ADGRD1: variants seen among roughly 807,000 people sequenced by gnomAD.
ADGRD1 encodes adhesion G protein-coupled receptor D1.
Under a neutral mutation model 113.4 loss-of-function variants are expected in ADGRD1, and 77 were observed. The observed-to-expected ratio is 0.68, with a 90% confidence interval of 0.57 to 0.82. The LOEUF (loss-of-function observed/expected upper bound fraction) is 0.82. Among genes scored for constraint, ADGRD1 ranks in the 40% least tolerant of loss-of-function variants. The pLI is 0.00. For missense variants in ADGRD1, 1,036 were observed against 1,139.1 expected (o/e 0.91, Z 1.30); for synonymous variants, 474 against 475.0 (o/e 1.00, Z 0.03).
intron 13 of ADGRD1, among the ~76,000 whole-genome samples, chr12:131,016,764 G>A (rs1382246211): frequency 6.6e-6 from 1 of 152,196 alleles, no homozygotes; most frequent in Non-Finnish European, 1.5e-5. Context: ...ATGGTGGCCC[G>A]AGCCTGTAAT....
At chr12:130,994,657 C>T (rs1874987540) in intron 8 of ADGRD1, among the ~76,000 whole-genome samples, 1 of 152,226 alleles carries the variant, frequency 6.6e-6, no homozygotes, top group Non-Finnish European at 1.5e-5. Context: ...TGATTAAACA[C>T]CTACTTGTGG....
In ADGRD1 at chr12:131,041,019, G is replaced by T. The variant is rs1341650286; in HGVS notation, c.1473+26679G>T. On this transcript the variant is annotated intron_variant, in intron 13 of 24. Transcript: ENST00000261654. The surrounding 1 kb of genome is among the most constrained non-coding windows in gnomAD (Gnocchi z 4.4). ...CTGAATGGTGGCCCCCCCGGAGTTTGCCATCATCCCCACCTGGATGGTCCC... is the reference window on the plus strand; with the variant it reads ...CTGAATGGTGGCCCCCCCGGAGTTTTCCATCATCCCCACCTGGATGGTCCC... Among the ~76,000 whole-genome samples the T allele has an allele frequency of 6.6e-6, 1 of 152,238 alleles. No homozygotes were observed. Among genetic ancestry groups the T allele is most frequent in the Non-Finnish European group, 1.5e-5 (1 of 68,040 alleles).
At chr12:131,083,850 G>A (rs1009969169) in intron 14 of ADGRD1, among the ~76,000 whole-genome samples, 1 of 127,518 alleles carries the variant, frequency 7.8e-6, no homozygotes, top group African/African-American at 3.0e-5. Context: ...TCCTGATCTC[G>A]CCACCCTGTC....
chr12:131,133,673 C>T (rs1317872520), intron 21 of ADGRD1, among the ~76,000 whole-genome samples: 1 of 152,208 alleles, frequency 6.6e-6, no homozygotes, highest in African/African-American at 2.4e-5. Flanking sequence ...TTTCCCAATG[C>T]CTTCAGCTCC....
Position 130,966,687 on chromosome 12 carries a change from A to G in ADGRD1, c.187+141A>G, listed in dbSNP as rs1026312855. ...GCTGAGAGTGACTGTGGGCCGGGGA[A>G]TCCCAGGGCCATCGGGGAGCAGATG... On this transcript the variant is annotated intron_variant, in intron 3 of 24. Transcript: ENST00000261654. This position sits in a 1 kb window ranked among gnomAD's most constrained non-coding sequence, Gnocchi z 4.6. 53 of 653,312 alleles carry G rather than the reference A, an allele frequency of 8.1e-5. No individual in the cohort carries two copies. Among genetic ancestry groups the G allele is most frequent in the Non-Finnish European group, 1.5e-4 (53 of 358,366 alleles). 40.5% of individuals were successfully genotyped at this position (653,312 alleles called of 1,614,324 possible).
At chr12:131,007,810 A>T (rs1427879895) in intron 12 of ADGRD1, among the ~76,000 whole-genome samples, 1 of 152,258 alleles carries the variant, frequency 6.6e-6, no homozygotes, top group African/African-American at 2.4e-5. Context: ...ATTTGCAGTG[A>T]AGTTGGATCT....
Position 130,981,986 on chromosome 12 carries a change from C to T in ADGRD1, c.413C>T (p.Ser138Phe), listed in dbSNP as rs199526762. ...ATCTCCAATGGGTTCAAAGTCTGCT[C>T]CAGCGGTGGCAGAGGCTCTGTGGAG... ...QVISNGFKVC[S>F]SGGRGSVELY... The change falls in exon 5 of 25, where the codon TCC becomes TTC. Residue 138 changes from serine to phenylalanine, a missense_variant. Coordinates refer to ENST00000261654, the MANE Select transcript of ADGRD1 (RefSeq NM_198827.5). 56 of 1,613,682 alleles carry T rather than the reference C, an allele frequency of 3.5e-5. No homozygotes were observed. Among genetic ancestry groups the T allele is most frequent in the Non-Finnish European group, 4.6e-5 (54 of 1,179,698 alleles).
intron 13 of ADGRD1, among the ~76,000 whole-genome samples, chr12:131,031,646 G>T (rs1291971397): frequency 1.3e-5 from 2 of 151,184 alleles, no homozygotes; most frequent in Non-Finnish European, 3.0e-5. Flanking sequence ...AGGAGTTCTG[G>T]GGCCCCTCTC....
intron 9 of ADGRD1, among the ~76,000 whole-genome samples, chr12:131,002,213 G>A (rs1429129804): frequency 6.6e-6 from 1 of 152,160 alleles, no homozygotes; most frequent in Non-Finnish European, 1.5e-5. Context: ...TGCAAAATAT[G>A]CAAATCTGTT....
chr12:131,101,421 C>G (rs1236179721), intron 15 of ADGRD1, among the ~76,000 whole-genome samples: 1 of 109,822 alleles, frequency 9.1e-6, no homozygotes, highest in East Asian at 2.5e-4. Flanking sequence ...GAGTCTGGCT[C>G]TGTCGCCCAG....
chr12:131,107,754 A>C (rs1378303164), intron 17 of ADGRD1, among the ~76,000 whole-genome samples: 1 of 152,252 alleles, frequency 6.6e-6, no homozygotes, highest in Non-Finnish European at 1.5e-5. Flanking sequence ...CAAAAATAAT[A>C]GGTATGTCTT....
Position 130,987,234 on chromosome 12 carries a change from A to T in ADGRD1, c.630A>T (p.Ile210=). The change falls in exon 6 of 25, where the codon ATA becomes ATT. Residue 210 remains isoleucine (I), a synonymous_variant. Transcript: ENST00000261654. ...DYGESNVNLV[I]GSEQDQAKCY... ...GAGAGTCCAACGTCAACCTCGTGAT[A>T]GGGTCTGAGCAGGACCAGGCCAAGT... is the stretch of plus-strand genomic sequence containing the variant. The T allele has an allele frequency of 6.2e-7, 1 of 1,614,238 alleles. No homozygotes were observed. The highest frequency in any genetic ancestry group is 1.1e-5 in the South Asian group (1 of 91,086).
At chr12:131,076,678 A>G in intron 13 of ADGRD1, 123 bp from the exon 14 acceptor site, 3 of 775,096 alleles carry the variant, frequency 3.9e-6, no homozygotes, top group South Asian at 2.9e-5. Context: ...GATAGACATC[A>G]GTGGCTATGC....
intron 21 of ADGRD1, among the ~76,000 whole-genome samples, chr12:131,135,056 G>T (rs967784081): frequency 6.6e-6 from 1 of 152,232 alleles, no homozygotes; most frequent in African/African-American, 2.4e-5. Flanking sequence ...GAAGGTCCCT[G>T]CTGTGGAAAG....
intron 13 of ADGRD1, chr12:131,069,610 T>A (rs1417038680): frequency 2.0e-5 from 3 of 152,384 alleles, no homozygotes; most frequent in African/African-American, 7.2e-5. Flanking sequence ...TAGCAGCCTG[T>A]GAGGGGGTGT....
At chr12:130,987,458 C>T (rs548767585) in intron 6 of ADGRD1, 109 bp downstream of exon 6, 15 of 1,248,800 alleles carry the variant, frequency 1.2e-5, no homozygotes, top group South Asian at 6.9e-5. Flanking sequence ...GCACTGCAGG[C>T]GTGAGATGTG....
chr12:131,132,492 G>T (rs1428234181), intron 21 of ADGRD1, among the ~76,000 whole-genome samples: 1 of 151,824 alleles, frequency 6.6e-6, no homozygotes, highest in Non-Finnish European at 1.5e-5. Context: ...GAGCTCAGAA[G>T]CCCTGGCGTT....
intron 12 of ADGRD1, among the ~76,000 whole-genome samples, chr12:131,009,463 C>G (rs1027191882): frequency 2.0e-5 from 3 of 152,156 alleles, no homozygotes; most frequent in Non-Finnish European, 2.9e-5. Flanking sequence ...TGACTCTGGA[C>G]TGTGCATTAG....
At chr12:131,055,056 T>A (rs1191034955) in intron 13 of ADGRD1, among the ~76,000 whole-genome samples, 1 of 152,258 alleles carries the variant, frequency 6.6e-6, no homozygotes, top group Admixed American at 6.5e-5. Context: ...TTATTTAAGT[T>A]TTGAACTTGG....
Sources: gnomAD v4.1 joint callset for allele counts (sites outside exome capture counted in the v4.1 genomes callset) on GRCh38, gnomAD v4.1.1 for gene constraint, Gnocchi (gnomAD v3.1) non-coding constraint, MANE v1.5 for transcripts, NCBI Gene and HGNC (gene_info 2026-07-23, HGNC 2026-07-21) for gene names.